GLI3: variants seen among roughly 807,000 people sequenced by gnomAD.
GLI3 encodes transcription activator GLI3.
In GLI3, 20 loss-of-function variants were observed where a neutral mutation model predicts 100.8. That is an observed-to-expected ratio of 0.20 (90% CI 0.14 to 0.29). The LOEUF (loss-of-function observed/expected upper bound fraction) is 0.29, where lower values mean the gene tolerates loss of function less well. Ranked by LOEUF, GLI3 falls within the 10% of genes least tolerant of loss-of-function variation. The pLI, the probability that GLI3 is intolerant of heterozygous loss-of-function variation, is 1.00. For synonymous variants in GLI3, 938 were observed against 860.5 expected (o/e 1.09, Z -1.58); for missense variants, 2,040 against 2,128.5 (o/e 0.96, Z 0.82).
intron 5 of GLI3, among the ~76,000 whole-genome samples, chr7:42,046,898 G>A (rs1422754457): frequency 7.9e-5 from 12 of 152,192 alleles, no homozygotes; most frequent in Admixed American, 7.2e-4. Flanking sequence ...GCTCATGCCT[G>A]TAATCCCAGC....
intron 2 of GLI3, among the ~76,000 whole-genome samples, chr7:42,154,380 A>G (rs1409124202): frequency 6.6e-6 from 1 of 152,074 alleles, no homozygotes; most frequent in Non-Finnish European, 1.5e-5. Flanking sequence ...GGCATTTTTA[A>G]TGTGTCTCCA....
At chr7:42,071,757 G>C (rs903767116) in intron 4 of GLI3, among the ~76,000 whole-genome samples, 1 of 152,082 alleles carries the variant, frequency 6.6e-6, no homozygotes, top group Non-Finnish European at 1.5e-5. Context: ...TCATCTCCCT[G>C]CTCTCATCCC....
chr7:41,970,278 A>G (rs1004373181), intron 13 of GLI3, among the ~76,000 whole-genome samples: 5 of 152,166 alleles, frequency 3.3e-5, no homozygotes, highest in Admixed American at 1.3e-4. Flanking sequence ...GATCAAATCA[A>G]AGACATGTTT....
Position 42,096,773 on chromosome 7 carries a change from G to A in GLI3, c.368-19916C>T, listed in dbSNP as rs186653517. Among the ~76,000 whole-genome samples, 486 of 152,308 alleles carry A rather than the reference G, an allele frequency of 3.2e-3. 1 individual carries two copies. The highest frequency in any genetic ancestry group is 4.8e-3 in the Non-Finnish European group (325 of 68,032). On this transcript the variant is annotated intron_variant, in intron 3 of 14. Transcript: ENST00000395925. The stretch of plus-strand genomic sequence containing the variant: ...CCAGAGAACTCTGCCATGGAAATCA[G>A]CCATGAAACCAGACTCCAGCCACAG...
intron 2 of GLI3, among the ~76,000 whole-genome samples, chr7:42,155,544 T>C (rs191056634): frequency 1.3e-5 from 2 of 151,968 alleles, no homozygotes; most frequent in African/African-American, 4.8e-5. Context: ...GAATAAAACA[T>C]AATCTAGACT....
chr7:42,096,449 G>A (rs1313026265), intron 3 of GLI3, among the ~76,000 whole-genome samples: 14 of 152,192 alleles, frequency 9.2e-5, no homozygotes, highest in African/African-American at 3.1e-4. Context: ...GCAGGCTCAC[G>A]GGAGAAACTT....
chr7:42,140,271 C>A (rs903907741), intron 3 of GLI3, among the ~76,000 whole-genome samples: 1 of 152,230 alleles, frequency 6.6e-6, no homozygotes, highest in African/African-American at 2.4e-5. Flanking sequence ...TAAAGCTCAA[C>A]AGAAGCAGGC....
At chr7:42,024,991 T>C (rs1232735278) in intron 9 of GLI3, among the ~76,000 whole-genome samples, 1 of 152,170 alleles carries the variant, frequency 6.6e-6, no homozygotes, top group Non-Finnish European at 1.5e-5. Context: ...CGAACTACAG[T>C]TGCCAATACT....
intron 2 of GLI3, among the ~76,000 whole-genome samples, chr7:42,186,458 GC>G (rs1297404469): frequency 6.6e-6 from 1 of 152,072 alleles, no homozygotes; most frequent in Non-Finnish European, 1.5e-5. Flanking sequence ...TATTTGAAAG[GC>G]CTTTTGAGAG....
intron 2 of GLI3, among the ~76,000 whole-genome samples, chr7:42,171,316 A>C (rs1787368087): frequency 6.6e-6 from 1 of 152,240 alleles, no homozygotes; most frequent in African/African-American, 2.4e-5. Flanking sequence ...GATTTTTTAA[A>C]AAACTTTTCC....
At chr7:42,141,344 A>G (rs950369924) in intron 3 of GLI3, among the ~76,000 whole-genome samples, 3 of 152,162 alleles carry the variant, frequency 2.0e-5, no homozygotes, top group Non-Finnish European at 4.4e-5. Context: ...ATCCAAGTCT[A>G]TGAGTGAAAT....
chr7:42,045,919 T>C (rs1046680595), intron 5 of GLI3, among the ~76,000 whole-genome samples: 4 of 152,204 alleles, frequency 2.6e-5, no homozygotes, highest in Non-Finnish European at 4.4e-5. Context: ...ATGATATCTT[T>C]CCAGACATAC....
chr7:42,114,493 G>T (rs1785798616), intron 3 of GLI3, among the ~76,000 whole-genome samples: 3 of 152,112 alleles, frequency 2.0e-5, no homozygotes, highest in African/African-American at 7.2e-5. Context: ...GTGTGTGAAG[G>T]ATTGAATTGG....
chr7:41,978,583 C>A lies in GLI3; in HGVS notation c.1647+16G>T. On this transcript the variant is annotated intron_variant, in intron 11 of 14. Transcript: ENST00000395925. ...GGAAGGACCCAAGTGTGCCTGCCAC[C>A]CACTTCTGTACTCACAGTGCATTTG... is the stretch of plus-strand genomic sequence containing the variant. 6.2e-7 allele frequency: 1 copy of A among 1,612,912 alleles called. No homozygotes were observed. The highest frequency in any genetic ancestry group is 1.3e-5 in the African/African-American group (1 of 75,006).
rs1241392922 is a variant in GLI3, at chr7:41,965,411, T to A, written c.3662A>T (p.Asn1221Ile). 6.2e-7 allele frequency: 1 copy of A among 1,609,008 alleles called. No individual in the cohort carries two copies. Among genetic ancestry groups the A allele is most frequent in the East Asian group, 2.2e-5 (1 of 44,742 alleles). ...GGYQTLGENSNPYGGPEHLML... is the reference protein window; with the variant it reads ...GGYQTLGENSIPYGGPEHLML... ...CAAGTGCTCTGGGCCACCGTAGGGG[T>A]TGCTGTTCTCCCCGAGGGTCTGATA... Residue 1221 changes from asparagine (N) to isoleucine (I), a missense_variant, in exon 15 of 15, where the codon AAC becomes ATC. Asn to Ile is a moderately radical substitution (Grantham distance 149, BLOSUM62 -3). Around this residue, in one of 5 missense-constraint regions of GLI3, gnomAD observed 1,041 missense variants for 924.0 expected, o/e 1.13. Transcript: ENST00000395925.
chr7:42,020,772 C>T (rs1361821848), intron 10 of GLI3, among the ~76,000 whole-genome samples: 1 of 152,034 alleles, frequency 6.6e-6, no homozygotes, highest in Non-Finnish European at 1.5e-5. Context: ...CGCCTGTAGT[C>T]CCAGCTACTC....
rs771688946 is a variant in GLI3, at chr7:41,965,266, G to T, written c.3807C>A (p.Asp1269Glu). ...CTTGAATCCCGGCACCACAGGCACC[G>T]TCGAGTGCACCAGGGGCCACTGGCT... is the stretch of plus-strand genomic sequence containing the variant. ...NRQPVAPGAL[D>E]GACGAGIQAS... Residue 1269 changes from aspartate (D) to glutamate (E), a missense_variant, in exon 15 of 15, where the codon GAC becomes GAA. Physicochemically the swap from Asp to Glu is conservative, Grantham distance 45. This residue lies in a region of GLI3 where 1,041 missense variants were observed against 924.0 expected (regional missense o/e 1.13). Coordinates refer to ENST00000395925, the MANE Select transcript of GLI3 (RefSeq NM_000168.6). The T allele has an allele frequency of 5.6e-6, 9 of 1,613,384 alleles. No individual in the cohort carries two copies. The African/African-American group carries it at 1.2e-4, about 22-fold the overall frequency.
intron 1 of GLI3, among the ~76,000 whole-genome samples, chr7:42,234,455 T>A (rs892861052): frequency 1.3e-5 from 2 of 152,208 alleles, no homozygotes; most frequent in African/African-American, 4.8e-5. Context: ...CACATCGAAT[T>A]GATAAATTAA....
intron 3 of GLI3, among the ~76,000 whole-genome samples, chr7:42,087,512 A>G (rs546324539): frequency 6.6e-6 from 1 of 152,312 alleles, no homozygotes; most frequent in Non-Finnish European, 1.5e-5. Flanking sequence ...GCGCTCAGCA[A>G]TCACAATCCT....
Sources: gnomAD v4.1 joint callset for allele counts (sites outside exome capture counted in the v4.1 genomes callset) on GRCh38, gnomAD v4.1.1 for gene constraint, gnomAD v4.1.1 regional missense constraint, MANE v1.5 for transcripts, NCBI Gene and HGNC (gene_info 2026-07-23, HGNC 2026-07-21) for gene names.